The following MARCHF1 variants were observed in gnomAD, a reference collection of about 807,000 sequenced individuals.
MARCHF1 encodes the protein membrane associated ring-CH-type finger 1.
MARCHF1 carries 40 observed loss-of-function variants against 54.2 expected under a neutral mutation model. That is an observed-to-expected ratio of 0.74 (90% CI 0.57 to 0.96). MARCHF1 has a LOEUF of 0.96. Ranked by LOEUF, MARCHF1 falls within the 40% of genes least tolerant of loss-of-function variation. The pLI is 0.00. For missense variants in MARCHF1, 586 were observed against 656.5 expected (o/e 0.89, Z 1.17); for synonymous variants, 236 against 236.3 (o/e 1.00, Z 0.01).
intron 2 of MARCHF1, among the ~76,000 whole-genome samples, chr4:164,049,134 C>A (rs998815917): frequency 2.6e-5 from 4 of 152,158 alleles, no homozygotes; most frequent in Admixed American, 1.3e-4. Context: ...TACAGTTCTG[C>A]GTGGCTGAGA....
chr4:164,001,940 C>T (rs1296746299), intron 2 of MARCHF1, among the ~76,000 whole-genome samples: 1 of 151,806 alleles, frequency 6.6e-6, no homozygotes, highest in Non-Finnish European at 1.5e-5. Flanking sequence ...ACACAGACTT[C>T]AAGTTTTAGC....
chr4:164,335,920 A>T (rs761712073), intron 1 of MARCHF1, among the ~76,000 whole-genome samples: 1 of 152,090 alleles, frequency 6.6e-6, no homozygotes, highest in Non-Finnish European at 1.5e-5. Context: ...TCTTCCAGTA[A>T]TCAATCAGGC....
At chr4:163,713,170 G>C (rs573660915) in intron 4 of MARCHF1, among the ~76,000 whole-genome samples, 3 of 151,706 alleles carry the variant, frequency 2.0e-5, no homozygotes, top group Non-Finnish European at 4.4e-5. Flanking sequence ...ATTATTATTG[G>C]ATTAATTATT....
At chr4:163,730,051 T>C (rs989957219) in intron 4 of MARCHF1, among the ~76,000 whole-genome samples, 6 of 152,170 alleles carry the variant, frequency 3.9e-5, no homozygotes, top group African/African-American at 1.4e-4. Context: ...GGTGTCCCAG[T>C]TATCCCTTAG....
At chr4:163,739,919 G>C (rs1361065215) in intron 4 of MARCHF1, among the ~76,000 whole-genome samples, 1 of 152,136 alleles carries the variant, frequency 6.6e-6, no homozygotes, top group African/African-American at 2.4e-5. Context: ...CTTTGAGAGG[G>C]CATTCCACCC....
At chr4:164,341,574 CA>C (rs1194813825) in intron 1 of MARCHF1, among the ~76,000 whole-genome samples, 1 of 152,150 alleles carries the variant, frequency 6.6e-6, no homozygotes, top group African/African-American at 2.4e-5. Flanking sequence ...AGTCCAAGAT[CA>C]AGGCAGATTT....
At chr4:163,934,576 TAAAAA>T (rs551026107) in intron 3 of MARCHF1, among the ~76,000 whole-genome samples, 22 of 77,916 alleles carry the variant, frequency 2.8e-4, no homozygotes, top group African/African-American at 1.1e-3. Flanking sequence ...TCTTTTTAAG[TAAAAA>T]AAAAAAAAAA....
chr4:163,779,946 A>C (rs946835365), intron 4 of MARCHF1, among the ~76,000 whole-genome samples: 1 of 152,210 alleles, frequency 6.6e-6, no homozygotes, highest in Admixed American at 6.5e-5. Flanking sequence ...CTGTGAAAGC[A>C]GTGCAGCTGA....
chr4:163,595,594 G>T (rs1251379448), intron 7 of MARCHF1, among the ~76,000 whole-genome samples: 2 of 152,154 alleles, frequency 1.3e-5, no homozygotes, highest in African/African-American at 4.8e-5. Flanking sequence ...TTTGCTACAG[G>T]ATTGGCTGTT....
intron 4 of MARCHF1, among the ~76,000 whole-genome samples, chr4:163,717,911 G>C (rs1461000167): frequency 2.0e-5 from 3 of 152,100 alleles, no homozygotes; most frequent in Non-Finnish European, 4.4e-5. Flanking sequence ...ATGCTACAAG[G>C]CTGCAGTAAC....
intron 4 of MARCHF1, among the ~76,000 whole-genome samples, chr4:163,733,203 A>ATATATATATATATATACACATG (rs1745912171): frequency 1.1e-4 from 4 of 37,862 alleles, no homozygotes; most frequent in African/African-American, 2.8e-4. Flanking sequence ...ATATATATAT[A>ATATATATATATATATACACATG]TATATATATA....
intron 2 of MARCHF1, among the ~76,000 whole-genome samples, chr4:164,096,958 C>A (rs1189955068): frequency 6.6e-6 from 1 of 152,034 alleles, no homozygotes; most frequent in African/African-American, 2.4e-5. Context: ...AGGAGGAAAA[C>A]CCCGGGGAGT....
At chr4:163,929,996 T>TA (rs1208849910) in intron 3 of MARCHF1, among the ~76,000 whole-genome samples, 6 of 125,388 alleles carry the variant, frequency 4.8e-5, no homozygotes, top group Non-Finnish European at 6.6e-5. Flanking sequence ...ATATATAATA[T>TA]ATTATATATA....
chr4:164,189,424 G>A, intron 1 of MARCHF1: 2 of 686,522 alleles, frequency 2.9e-6, no homozygotes, highest in Non-Finnish European at 5.3e-6. Context: ...GGAAAATTCT[G>A]ATTTGAAGAA....
chr4:163,730,280 T>G (rs1190971079), intron 4 of MARCHF1, among the ~76,000 whole-genome samples: 1 of 152,146 alleles, frequency 6.6e-6, no homozygotes, highest in East Asian at 1.9e-4. Flanking sequence ...ATTTCTATTT[T>G]GTTTGTACAT....
chr4:164,180,832 T>C (rs1003390129), intron 1 of MARCHF1, among the ~76,000 whole-genome samples: 1 of 152,190 alleles, frequency 6.6e-6, no homozygotes, highest in Non-Finnish European at 1.5e-5. Context: ...TTAGAACTGC[T>C]ACATCCGCTT....
At chr4:163,796,226 T>A (rs1448716801) in intron 4 of MARCHF1, among the ~76,000 whole-genome samples, 1 of 141,996 alleles carries the variant, frequency 7.0e-6, no homozygotes, top group African/African-American at 2.6e-5. Flanking sequence ...TTCTAGTTTT[T>A]TTTTTTTTTT....
intron 4 of MARCHF1, among the ~76,000 whole-genome samples, chr4:163,747,156 G>A (rs1001977372): frequency 6.6e-5 from 10 of 152,146 alleles, no homozygotes; most frequent in East Asian, 3.8e-4. Context: ...TCCTTTCACC[G>A]TACTACAAAG....
chr4:163,769,241 C>T (rs760322831), intron 4 of MARCHF1, among the ~76,000 whole-genome samples: 2 of 152,076 alleles, frequency 1.3e-5, no homozygotes, highest in African/African-American at 4.8e-5. Flanking sequence ...AAATAATTTA[C>T]CAAACAGGGT....
Sources: gnomAD v4.1 joint callset for allele counts (sites outside exome capture counted in the v4.1 genomes callset) on GRCh38, gnomAD v4.1.1 for gene constraint, MANE v1.5 for transcripts, NCBI Gene and HGNC (gene_info 2026-07-23, HGNC 2026-07-21) for gene names.